The following COPE variants were observed in gnomAD, a reference collection of about 807,000 sequenced individuals.
COPE encodes the protein coat protein complex I subunit epsilon.
A neutral mutation model predicts 42.1 loss-of-function variants in COPE; 19 were observed. The ratio of observed to expected loss-of-function variants is 0.45; its 90% confidence interval spans 0.31 to 0.66. The LOEUF is 0.66. Among genes scored for constraint, COPE ranks in the 30% least tolerant of loss-of-function variants. The pLI is 0.05. For synonymous variants in COPE, 195 were observed against 181.3 expected (o/e 1.08, Z -0.60); for missense variants, 402 against 416.1 (o/e 0.97, Z 0.30).
intron 2 of COPE, chr19:18,911,315 G>C (rs926866516): frequency 1.9e-6 from 1 of 533,214 alleles, no homozygotes; most frequent in African/African-American, 1.9e-5. Flanking sequence ...ACCCTGGTAG[G>C]TTACTGTCTA....
At chr19:18,905,457 T>G in intron 5 of COPE, 119 bp downstream of exon 5, 6 of 1,037,530 alleles carry the variant, frequency 5.8e-6, no homozygotes, top group East Asian at 2.8e-5. Context: ...GCCACCCCCA[T>G]GGAAAGGAAA....
intron 1 of COPE, 36 bp from the exon 2 acceptor site, chr19:18,913,082 G>A (rs191926085): frequency 1.2e-5 from 19 of 1,583,040 alleles, no homozygotes; most frequent in Middle Eastern, 3.3e-4. Flanking sequence ...CGCACAGTGG[G>A]AGGCCCAGCG....
chr19:18,913,011 GACGTCCCTCTCC>G lies in COPE; in HGVS notation c.150_161del (p.Glu51_Val54del). On this transcript the variant is annotated inframe_deletion, in exon 2 of 10. Coordinates refer to ENST00000262812, the MANE Select transcript of COPE (RefSeq NM_007263.4). Reference sequence around the variant, plus strand: ...GCGCCAGGTACGCTCTATACAGGAAGACGTCCCTCTCCACGTCTCTCTCTGGGCTTGATAGCT... The same window carrying G: ...GCGCCAGGTACGCTCTATACAGGAAGACGTCTCTCTCTGGGCTTGATAGCT... The G allele has an allele frequency of 6.2e-7, 1 of 1,612,076 alleles. No individual in the cohort carries two copies. The highest frequency in any genetic ancestry group is 8.5e-7 in the Non-Finnish European group (1 of 1,179,936).
chr19:18,902,022 T>C (rs1174185936), intron 7 of COPE, among the ~76,000 whole-genome samples: 1 of 150,830 alleles, frequency 6.6e-6, no homozygotes, highest in Non-Finnish European at 1.5e-5. Flanking sequence ...CTACTAAAAA[T>C]ACAAAAAATT....
chr19:18,906,850 C>T (rs2056764250), intron 4 of COPE, 110 bp downstream of exon 4: 24 of 1,299,522 alleles, frequency 1.8e-5, no homozygotes, highest in Non-Finnish European at 2.5e-5. Context: ...ATTTCAGCAC[C>T]ACCTTTCTCT....
intron 1 of COPE, among the ~76,000 whole-genome samples, chr19:18,917,157 A>C (rs1601238259): frequency 1.4e-5 from 2 of 141,040 alleles, no homozygotes; most frequent in Admixed American, 7.2e-5. Flanking sequence ...TGTGTCTCAA[A>C]TCTCCCTCTG....
chr19:18,917,056 G>A (rs1169422019), intron 1 of COPE, among the ~76,000 whole-genome samples: 1 of 151,782 alleles, frequency 6.6e-6, no homozygotes, highest in Admixed American at 6.6e-5. Flanking sequence ...GGCTCTAGGG[G>A]AGGATACTTC....
chr19:18,905,464 G>T, intron 5 of COPE, 112 bp downstream of exon 5: 1 of 1,125,918 alleles, frequency 8.9e-7, no homozygotes, highest in Non-Finnish European at 1.2e-6. Context: ...CCATGGAAAG[G>T]AAAGACAACA....
In COPE at chr19:18,912,954, C is replaced by A; in HGVS notation, c.189+30G>T. ...GCCCCACCCTCTACTCTGTTCATCA[C>A]TCTTGCCCCCGGCCAAGGCCCGCAC... is the stretch of plus-strand genomic sequence containing the variant. On this transcript the variant is annotated intron_variant, in intron 2 of 9. Coordinates refer to ENST00000262812, the MANE Select transcript of COPE (RefSeq NM_007263.4). The A allele has an allele frequency of 3.1e-6, 5 of 1,609,082 alleles. No individual in the cohort carries two copies. In the South Asian group the frequency reaches 5.5e-5, roughly 18 times the overall value.
chr19:18,913,076 C>A (rs1374211579), intron 1 of COPE, 30 bp from the exon 2 acceptor site: 4 of 1,595,304 alleles, frequency 2.5e-6, no homozygotes, highest in Non-Finnish European at 3.4e-6. Context: ...TCAGGACGCA[C>A]AGTGGGAGGC....
chr19:18,902,389 G>A (rs922985830), intron 7 of COPE, among the ~76,000 whole-genome samples: 2 of 151,314 alleles, frequency 1.3e-5, no homozygotes, highest in Non-Finnish European at 2.9e-5. Context: ...AGATGGCCAG[G>A]CGTGGTGGCT....
intron 8 of COPE, 119 bp from the exon 9 acceptor site, chr19:18,900,066 G>A: frequency 1.2e-6 from 1 of 830,010 alleles, no homozygotes; most frequent in South Asian, 1.7e-5. Flanking sequence ...TCCTCACCCT[G>A]CCTTGGGACT....
intron 1 of COPE, 42 bp downstream of exon 1, chr19:18,919,181 C>T (rs1244793457): frequency 3.8e-6 from 6 of 1,574,666 alleles, no homozygotes; most frequent in Non-Finnish European, 5.2e-6. Context: ...AAGCGTCCTC[C>T]GCCTCCGCCC....
intron 3 of COPE, among the ~76,000 whole-genome samples, chr19:18,907,580 G>A (rs1224689447): frequency 6.6e-6 from 1 of 152,192 alleles, no homozygotes; most frequent in Non-Finnish European, 1.5e-5. Flanking sequence ...AGAGCCCAGG[G>A]TGCTGGCTGC....
At position 18,903,328 on chromosome 19, in the gene COPE, G is replaced by A. The variant is rs766494652; in HGVS notation, c.675C>T (p.Cys225=). 2.7e-5 allele frequency: 43 copies of A among 1,612,306 alleles called. No individual in the cohort carries two copies. The highest frequency in any genetic ancestry group is 3.4e-5 in the Non-Finnish European group (40 of 1,179,456). ...CCTCCCAGCGGCCCTGGGCCATGTG[G>A]CAGGCCGCCTGCCCATTGAGCAGCA... ...TLLLLNGQAA[C]HMAQGRWEAA... Residue 225 remains cysteine, a synonymous_variant, in exon 7 of 10, where the codon TGC becomes TGT. Transcript: ENST00000262812.
chr19:18,905,680 A>T, intron 4 of COPE, 51 bp from the exon 5 acceptor site: 1 of 1,549,898 alleles, frequency 6.5e-7, no homozygotes, highest in Non-Finnish European at 8.7e-7. Flanking sequence ...GACACATTGC[A>T]TGGCCGCTCC....
intron 6 of COPE, among the ~76,000 whole-genome samples, chr19:18,904,217 G>A (rs957819652): frequency 3.9e-5 from 6 of 152,194 alleles, no homozygotes; most frequent in Admixed American, 2.0e-4. Flanking sequence ...CACCCGCCTC[G>A]GCCTCCCGAA....
At position 18,900,052 on chromosome 19, in the gene COPE, G is replaced by A. The variant is rs1004903006; in HGVS notation, c.805-105C>T. ...GGGGTGAGAGCCACAGTACCCCAGG[G>A]GGCTCCTCACCCTGCCTTGGGACTG... On this transcript the variant is annotated intron_variant, in intron 8 of 9. Transcript: ENST00000262812. The A allele has an allele frequency of 1.1e-5, 11 of 961,630 alleles. No homozygotes were observed. In the African/African-American group the frequency reaches 1.5e-4, roughly 13 times the overall value. 59.6% of individuals were successfully genotyped at this position (961,630 alleles called of 1,614,324 possible).
In COPE at chr19:18,911,103, G is replaced by A. The variant is rs28482274; in HGVS notation, c.190-32C>T. On this transcript the variant is annotated intron_variant, in intron 2 of 9. Transcript: ENST00000262812. ...TAGGGACGAGGCGTCAGCTGCACCCGTCCACCCCAGAGGATTTCCATGTCT... is the reference window on the plus strand; with the variant it reads ...TAGGGACGAGGCGTCAGCTGCACCCATCCACCCCAGAGGATTTCCATGTCT... 5.2e-4 allele frequency: 820 copies of A among 1,579,346 alleles called. 4 individuals carry two copies. In the African/African-American group the frequency reaches 9.0e-3, roughly 17 times the overall value.
Sources: gnomAD v4.1 joint callset for allele counts (sites outside exome capture counted in the v4.1 genomes callset) on GRCh38, gnomAD v4.1.1 for gene constraint, MANE v1.5 for transcripts, NCBI Gene and HGNC (gene_info 2026-07-23, HGNC 2026-07-21) for gene names.